The following LMBR1 variants were observed in gnomAD, a reference collection of about 807,000 sequenced individuals.
LMBR1 encodes the protein limb region 1 protein homolog.
LMBR1 carries 52 observed loss-of-function variants against 73.9 expected under a neutral mutation model. That is an observed-to-expected ratio of 0.70 (90% CI 0.56 to 0.89). The LOEUF is 0.89. Ranked by LOEUF, LMBR1 falls within the 40% of genes least tolerant of loss-of-function variation. LMBR1 has a pLI of 0.00. For missense variants in LMBR1, 539 were observed against 579.8 expected (o/e 0.93, Z 0.72); for synonymous variants, 215 against 209.4 (o/e 1.03, Z -0.23).
intron 1 of LMBR1, among the ~76,000 whole-genome samples, chr7:156,864,944 C>T (rs934786671): frequency 1.9e-4 from 28 of 147,678 alleles, no homozygotes; most frequent in African/African-American, 7.0e-4. Flanking sequence ...TGCAGTGAGC[C>T]GAGGTCGCGC....
chr7:156,684,310 G>T (rs1805560906), intron 16 of LMBR1, 147 bp from the exon 17 acceptor site: 5 of 665,422 alleles, frequency 7.5e-6, no homozygotes, highest in Admixed American at 2.6e-5. Flanking sequence ...AGGAATGAAT[G>T]ATTTCTTCTC....
At chr7:156,843,432 A>T (rs1839057171) in intron 1 of LMBR1, among the ~76,000 whole-genome samples, 1 of 152,220 alleles carries the variant, frequency 6.6e-6, no homozygotes, top group Non-Finnish European at 1.5e-5. Context: ...TTCACGGTAC[A>T]GAAGTAGCTG....
intron 1 of LMBR1, among the ~76,000 whole-genome samples, chr7:156,890,535 A>C (rs1284785088): frequency 6.6e-6 from 1 of 152,254 alleles, no homozygotes; most frequent in African/African-American, 2.4e-5. Context: ...TAAATGGGGA[A>C]AAAAATTTGA....
At chr7:156,885,161 T>C (rs1801681772) in intron 1 of LMBR1, among the ~76,000 whole-genome samples, 1 of 151,984 alleles carries the variant, frequency 6.6e-6, no homozygotes. Flanking sequence ...AAGACCAGCT[T>C]GGCCAACATG....
At chr7:156,744,451 C>T (rs554771024) in intron 9 of LMBR1, among the ~76,000 whole-genome samples, 43 of 152,018 alleles carry the variant, frequency 2.8e-4, no homozygotes, top group African/African-American at 9.9e-4. Context: ...GGCCTTTTAA[C>T]CTGAACTCAA....
intron 1 of LMBR1, among the ~76,000 whole-genome samples, chr7:156,873,457 A>G (rs1037359633): frequency 2.6e-5 from 4 of 152,154 alleles, no homozygotes; most frequent in Admixed American, 6.5e-5. Flanking sequence ...ACAGTGTGGA[A>G]GGTGACCCGA....
chr7:156,837,493 T>C (rs1400378758), intron 1 of LMBR1, among the ~76,000 whole-genome samples: 2 of 149,360 alleles, frequency 1.3e-5, no homozygotes, highest in Non-Finnish European at 3.0e-5. Context: ...ATGTGAAGAA[T>C]CAGACCATCA....
At chr7:156,725,645 G>A in intron 13 of LMBR1, 119 bp downstream of exon 13, 1 of 1,213,484 alleles carries the variant, frequency 8.2e-7, no homozygotes, top group Non-Finnish European at 1.2e-6. Flanking sequence ...TTAAGTGCTT[G>A]AGGAAGACTA....
chr7:156,681,320 C>A lies in LMBR1; in HGVS notation c.*2758G>T. The A allele has an allele frequency of 2.8e-6, 1 of 363,260 alleles. No individual in the cohort carries two copies. The highest frequency in any genetic ancestry group is 2.1e-5 in the South Asian group (1 of 46,884). The allele number at this position is 363,260 out of a possible 1,614,324, so 22.5% of individuals were successfully genotyped here. On this transcript the variant is annotated 3_prime_UTR_variant, in exon 17 of 17. Transcript: ENST00000353442. ...GAGAGCAAAACGCGAGAGGCTCCGT[C>A]CATCTCTACTAACCAGCACCTTAGT...
chr7:156,800,751 C>T (rs1830829280), intron 4 of LMBR1, among the ~76,000 whole-genome samples: 1 of 152,158 alleles, frequency 6.6e-6, no homozygotes, highest in Admixed American at 6.5e-5. Context: ...AAGGATGCAC[C>T]ATTCTAGATG....
intron 5 of LMBR1, among the ~76,000 whole-genome samples, chr7:156,790,951 T>A (rs1414824787): frequency 6.6e-6 from 1 of 152,184 alleles, no homozygotes; most frequent in African/African-American, 2.4e-5. Context: ...CACAGCATTA[T>A]CAGAATAGAG....
chr7:156,727,845 T>G, intron 12 of LMBR1, 85 bp downstream of exon 12: 1 of 870,638 alleles, frequency 1.1e-6, no homozygotes, highest in East Asian at 2.6e-5. Context: ...AAGGTGAATG[T>G]TTTCATTTGC....
At chr7:156,793,399 T>A (rs12535434) in intron 5 of LMBR1, among the ~76,000 whole-genome samples, 1 of 151,972 alleles carries the variant, frequency 6.6e-6, no homozygotes. Context: ...AAATAACATG[T>A]CTTGATTAGC....
At chr7:156,876,913 T>C (rs927470238) in intron 1 of LMBR1, among the ~76,000 whole-genome samples, 1 of 151,498 alleles carries the variant, frequency 6.6e-6, no homozygotes, top group Non-Finnish European at 1.5e-5. Context: ...CTCAAGGAAC[T>C]AGAGAAACAA....
At chr7:156,693,701 A>G (rs10250422) in intron 15 of LMBR1, among the ~76,000 whole-genome samples, 25,772 of 152,212 alleles carry the variant, frequency 0.17, 2,669 homozygotes, top group African/African-American at 0.3. Context: ...AGGTAAATTC[A>G]ACCAGACAAT....
chr7:156,730,432 TGAAG>T, intron 10 of LMBR1, among the ~76,000 whole-genome samples: 1 of 152,250 alleles, frequency 6.6e-6, no homozygotes, highest in Non-Finnish European at 1.5e-5. Context: ...TATCCTAGTA[TGAAG>T]GAAGGACAAA....
chr7:156,755,848 C>A (rs1044996258), intron 9 of LMBR1, among the ~76,000 whole-genome samples: 1 of 152,170 alleles, frequency 6.6e-6, no homozygotes, highest in African/African-American at 2.4e-5. Context: ...CTATTTGTAA[C>A]TGAAGAAAGT....
chr7:156,842,603 G>GT (rs1838919284), intron 1 of LMBR1, among the ~76,000 whole-genome samples: 1 of 152,244 alleles, frequency 6.6e-6, no homozygotes, highest in South Asian at 2.1e-4. Context: ...GGGGAACTGG[G>GT]TTTTTGACAT....
In LMBR1 at chr7:156,725,754, G is replaced by T. The variant is rs778978539; in HGVS notation, c.1067+10C>A. ...TGGATAGGCTGAACGTTCAGTTAAA[G>T]AAAGGATACAAAATCAAAATGATTT... On this transcript the variant is annotated intron_variant, in intron 13 of 16. Transcript: ENST00000353442. 11 of 1,610,678 alleles carry T rather than the reference G, an allele frequency of 6.8e-6. No homozygotes were observed. In the East Asian group the frequency reaches 2.5e-4, roughly 36 times the overall value.
Sources: gnomAD v4.1 joint callset for allele counts (sites outside exome capture counted in the v4.1 genomes callset) on GRCh38, gnomAD v4.1.1 for gene constraint, MANE v1.5 for transcripts, NCBI Gene and HGNC (gene_info 2026-07-23, HGNC 2026-07-21) for gene names.